Variants in ARFGEF1 observed in about 807,000 individuals in gnomAD.
ARFGEF1 encodes the protein brefeldin A-inhibited guanine nucleotide-exchange protein 1.
In ARFGEF1, 42 loss-of-function variants were observed where a neutral mutation model predicts 231.0. That is an observed-to-expected ratio of 0.18 (90% CI 0.14 to 0.24). The LOEUF (loss-of-function observed/expected upper bound fraction) is 0.24, where lower values mean the gene tolerates loss of function less well. Ranked by LOEUF, ARFGEF1 falls within the 10% of genes least tolerant of loss-of-function variation. The pLI is 1.00. For missense variants in ARFGEF1, 1,345 were observed against 2,192.0 expected (o/e 0.61, Z 7.72); for synonymous variants, 710 against 732.3 (o/e 0.97, Z 0.49).
chr8:67,282,303 C>T (rs1420559470), intron 7 of ARFGEF1, among the ~76,000 whole-genome samples: 1 of 151,952 alleles, frequency 6.6e-6, no homozygotes, highest in African/African-American at 2.4e-5. Context: ...GTTTTCATTT[C>T]AAATTAATTG....
chr8:67,271,044 G>GAAAAAAAAAAAAAAAAAAA (rs1563878460), intron 10 of ARFGEF1, among the ~76,000 whole-genome samples: 2 of 115,404 alleles, frequency 1.7e-5, no homozygotes, highest in Non-Finnish European at 1.7e-5. Flanking sequence ...AAAAAAAAAA[G>GAAAAAAAAAAAAAAAAAAA]GAAAAAGAAA....
intron 1 of ARFGEF1, among the ~76,000 whole-genome samples, chr8:67,337,019 C>G (rs990602906): frequency 6.6e-6 from 1 of 151,378 alleles, no homozygotes; most frequent in Admixed American, 6.6e-5. Context: ...AGATTAGCTA[C>G]TCGAGAGGCT....
chr8:67,221,171 T>C (rs1473295975), intron 29 of ARFGEF1, among the ~76,000 whole-genome samples: 1 of 152,218 alleles, frequency 6.6e-6, no homozygotes, highest in East Asian at 1.9e-4. Context: ...AACAATTATG[T>C]TAACAATTAA....
chr8:67,194,687 TAA>T (rs546923662), downstream of ARFGEF1, among the ~76,000 whole-genome samples: 6 of 135,544 alleles, frequency 4.4e-5, no homozygotes, highest in Admixed American at 1.5e-4. Context: ...CCAGGAGAAT[TAA>T]AAAAAAAAAA....
At chr8:67,244,368 G>A (rs1186573630) in intron 19 of ARFGEF1, among the ~76,000 whole-genome samples, 1 of 119,238 alleles carries the variant, frequency 8.4e-6, no homozygotes, top group African/African-American at 3.6e-5. Flanking sequence ...CTGGAGTGAA[G>A]TGACATCACA....
rs918103972 is a variant in ARFGEF1 at position 67,183,843 on chromosome 8, A to ATTT, written c.561-8274_561-8272dup. On this transcript the variant is annotated intron_variant, in intron 5 of 5. Coordinates refer to the ARFGEF1 transcript ENST00000518789. ...AGCCAGACTATGTAAAAAATTGGGAATTTTTTTTTTTTTTTTTTTTTTTTT... is the reference window on the plus strand; with the variant it reads ...AGCCAGACTATGTAAAAAATTGGGAATTTTTTTTTTTTTTTTTTTTTTTTTTTT... Among the ~76,000 whole-genome samples the ATTT allele has an allele frequency of 2.9e-3, 316 of 108,212 alleles. 12 individuals are homozygous for ATTT. Among genetic ancestry groups the ATTT allele is most frequent in the African/African-American group, 0.01 (253 of 25,264 alleles). The allele number at this position is 108,212 out of a possible 152,430, so 71.0% of individuals were successfully genotyped here.
chr8:67,331,121 T>C (rs1321822530), intron 1 of ARFGEF1, among the ~76,000 whole-genome samples: 3 of 152,042 alleles, frequency 2.0e-5, no homozygotes, highest in Admixed American at 2.0e-4. Flanking sequence ...CCACATTAAG[T>C]ACTATACTAA....
chr8:67,193,495 GTC>G (rs1206214608), downstream of ARFGEF1: 1 of 1,613,254 alleles, frequency 6.2e-7, no homozygotes, highest in African/African-American at 1.3e-5. Context: ...GCACCAGATG[GTC>G]TCTCTCTAAA....
At chr8:67,191,765 A>G (rs1430916670) in intron 5 of ARFGEF1, among the ~76,000 whole-genome samples, 1 of 152,214 alleles carries the variant, frequency 6.6e-6, no homozygotes, top group African/African-American at 2.4e-5. Flanking sequence ...TCGAATATAT[A>G]TACCTAGAAG....
Position 67,343,626 on chromosome 8 carries a change from C to G in ARFGEF1, c.-339G>C. 1 of 1,035,410 alleles carries G rather than the reference C, an allele frequency of 9.7e-7. No homozygotes were observed. Among genetic ancestry groups the G allele is most frequent in the Non-Finnish European group, 1.2e-6 (1 of 862,952 alleles). The allele number at this position is 1,035,410 out of a possible 1,614,324, so 64.1% of individuals were successfully genotyped here. On this transcript the variant is annotated 5_prime_UTR_variant, in exon 1 of 39. Coordinates refer to ENST00000262215, the MANE Select transcript of ARFGEF1 (RefSeq NM_006421.5). ...CGGTGAGGGAGCCCGGCCCGGGCGG[C>G]TGTCTGCCGGGAACTGAGGGACGAG...
chr8:67,313,847 G>A (rs1200601184), intron 1 of ARFGEF1, among the ~76,000 whole-genome samples: 1 of 152,096 alleles, frequency 6.6e-6, no homozygotes, highest in Non-Finnish European at 1.5e-5. Context: ...CTCACCCTTT[G>A]TTTTACACTA....
intron 5 of ARFGEF1, among the ~76,000 whole-genome samples, chr8:67,187,851 T>TA (rs1408097214): frequency 6.6e-6 from 1 of 152,270 alleles, no homozygotes; most frequent in East Asian, 1.9e-4. Context: ...AAAATAAACA[T>TA]AGATCTTACG....
chr8:67,317,301 T>C (rs553198374), intron 1 of ARFGEF1, among the ~76,000 whole-genome samples: 15 of 152,164 alleles, frequency 9.9e-5, no homozygotes, highest in Non-Finnish European at 8.8e-5. Flanking sequence ...CCTGAATTTG[T>C]AGCCAGTTGG....
chr8:67,178,804 G>T (rs892965381), intron 5 of ARFGEF1, among the ~76,000 whole-genome samples: 2 of 152,184 alleles, frequency 1.3e-5, no homozygotes, highest in African/African-American at 4.8e-5. Context: ...AGGGGGTGAC[G>T]AGGGGAGGCA....
chr8:67,228,355 T>C (rs917249495), intron 23 of ARFGEF1, 91 bp from the exon 24 acceptor site: 3 of 1,289,920 alleles, frequency 2.3e-6, no homozygotes, highest in Non-Finnish European at 2.2e-6. Context: ...TAGCTATTTT[T>C]ATGTTTTAAG....
Position 67,201,510 on chromosome 8 carries a change from T to C in ARFGEF1, c.5224A>G (p.Ser1742Gly), listed in dbSNP as rs1211586520. The change falls in exon 37 of 39, where the codon AGC (serine) becomes GGC (glycine). Residue 1742 changes from serine (S) to glycine (G), a missense_variant. This residue lies in a region of ARFGEF1 where 161 missense variants were observed against 284.9 expected (regional missense o/e 0.57). Coordinates refer to ENST00000262215, the MANE Select transcript of ARFGEF1 (RefSeq NM_006421.5). ...RILFRMYMDESRVSAWEEVQQ... is the reference protein window; with the variant it reads ...RILFRMYMDEGRVSAWEEVQQ... ...ACCTCCTCCCAGGCACTAACGCGGC[T>C]CTCATCCATGTACATCCGGAAGAGA... 3 of 1,612,548 alleles carry C rather than the reference T, an allele frequency of 1.9e-6. No individual in the cohort carries two copies. The highest frequency in any genetic ancestry group is 2.5e-6 in the Non-Finnish European group (3 of 1,179,474).
chr8:67,264,966 T>G (rs1468281987), intron 14 of ARFGEF1, among the ~76,000 whole-genome samples: 4 of 152,192 alleles, frequency 2.6e-5, no homozygotes, highest in African/African-American at 9.6e-5. Flanking sequence ...ACCAAATATG[T>G]GTTTACTGGG....
intron 19 of ARFGEF1, among the ~76,000 whole-genome samples, chr8:67,250,191 T>G (rs1040776920): frequency 3.3e-5 from 5 of 152,122 alleles, no homozygotes; most frequent in African/African-American, 1.2e-4. Context: ...ATAAAAAGCT[T>G]CAAGTAAGAA....
chr8:67,218,496 T>C (rs1490459942), intron 30 of ARFGEF1, among the ~76,000 whole-genome samples: 6 of 151,920 alleles, frequency 3.9e-5, no homozygotes, highest in Non-Finnish European at 8.8e-5. Flanking sequence ...TGCTCTAGAA[T>C]ATGACAGAAC....
Sources: gnomAD v4.1 joint callset for allele counts (sites outside exome capture counted in the v4.1 genomes callset) on GRCh38, gnomAD v4.1.1 for gene constraint, gnomAD v4.1.1 regional missense constraint, MANE v1.5 for transcripts, NCBI Gene and HGNC (gene_info 2026-07-23, HGNC 2026-07-21) for gene names.